Variants in PVT1 observed in about 807,000 individuals in gnomAD.
PVT1 encodes the protein CXCR4/PVT1 fusion.
chr8:127,849,289 C>G (rs1274554562), intron 2 of PVT1, among the ~76,000 whole-genome samples: 2 of 152,138 alleles, frequency 1.3e-5, no homozygotes, highest in East Asian at 1.9e-4. Context: ...TTCAGTGCCT[C>G]TAAGACAGGG....
At chr8:128,050,048 C>CTCTG (rs552091313) in intron 4 of PVT1, among the ~76,000 whole-genome samples, 220 of 152,160 alleles carry the variant, frequency 1.4e-3, no homozygotes, top group Non-Finnish European at 2.8e-3. Context: ...GAGACACGTG[C>CTCTG]TCTGGGCTCT....
chr8:128,098,915 T>G (rs1389558405), intron 6 of PVT1, among the ~76,000 whole-genome samples: 2 of 152,350 alleles, frequency 1.3e-5, no homozygotes, highest in South Asian at 2.1e-4. Context: ...TGAATTTCCA[T>G]GGGATCATTG....
At position 128,044,100 on chromosome 8, in the gene PVT1, C is replaced by T. The variant is rs78764616; in HGVS notation, n.913-26060C>T. On this transcript the variant is annotated intron_variant and non_coding_transcript_variant, in intron 4 of 10. Transcript: ENST00000651587. Reference sequence around the variant, plus strand: ...CCTGGTCTCAAGTGATCCTGCTGCCCAGGCTCCCAAAGTGTTGAGACTACA... The same window carrying T: ...CCTGGTCTCAAGTGATCCTGCTGCCTAGGCTCCCAAAGTGTTGAGACTACA... Among the ~76,000 whole-genome samples the T allele has an allele frequency of 2.6e-5, 4 of 150,960 alleles. No individual in the cohort carries two copies. In the South Asian group the frequency reaches 8.4e-4, roughly 32 times the overall value.
chr8:127,999,716 C>G (rs1195680713), intron 4 of PVT1, among the ~76,000 whole-genome samples: 3 of 152,254 alleles, frequency 2.0e-5, no homozygotes, highest in African/African-American at 4.8e-5. Flanking sequence ...CCCACTTCAG[C>G]CTCCCGAAGT....
At chr8:128,065,602 T>TG (rs1359090085) in intron 4 of PVT1, among the ~76,000 whole-genome samples, 1 of 152,012 alleles carries the variant, frequency 6.6e-6, no homozygotes, top group Non-Finnish European at 1.5e-5. Context: ...GAAAGGTTAG[T>TG]GGGGGGATCT....
chr8:127,889,085 T>TTCCC (rs1815565945), intron 2 of PVT1, among the ~76,000 whole-genome samples: 1 of 143,694 alleles, frequency 7.0e-6, no homozygotes, highest in East Asian at 2.0e-4. Context: ...CCTTCCTTCC[T>TTCCC]TCCTTCCTTC....
At chr8:127,887,294 C>G (rs1388888007) in intron 2 of PVT1, among the ~76,000 whole-genome samples, 1 of 152,200 alleles carries the variant, frequency 6.6e-6, no homozygotes. Context: ...CTAAAATTGA[C>G]CAAAAGCAGG....
chr8:127,822,448 G>A (rs778311239), intron 2 of PVT1, among the ~76,000 whole-genome samples: 16 of 152,122 alleles, frequency 1.1e-4, no homozygotes, highest in Non-Finnish European at 1.8e-4. Flanking sequence ...GTAGTGGCGA[G>A]TGCCTGTAGT....
intron 2 of PVT1, among the ~76,000 whole-genome samples, chr8:127,805,277 C>T (rs182447301): frequency 9.2e-5 from 14 of 152,094 alleles, no homozygotes; most frequent in Admixed American, 4.6e-4. Context: ...GTGACTGTTT[C>T]GTTGCTTACT....
At chr8:128,083,823 C>A (rs1342613543) in intron 5 of PVT1, among the ~76,000 whole-genome samples, 1 of 152,220 alleles carries the variant, frequency 6.6e-6, no homozygotes, top group Non-Finnish European at 1.5e-5. Flanking sequence ...TAACCTGGGT[C>A]TCTCATTTTC....
chr8:127,888,713 GC>G (rs1415423129), intron 2 of PVT1, among the ~76,000 whole-genome samples: 1 of 152,166 alleles, frequency 6.6e-6, no homozygotes, highest in Non-Finnish European at 1.5e-5. Flanking sequence ...AGAAGCCACA[GC>G]CAAGGCCTAT....
intron 5 of PVT1, among the ~76,000 whole-genome samples, chr8:128,080,511 C>T (rs1224413601): frequency 6.6e-6 from 1 of 152,164 alleles, no homozygotes; most frequent in African/African-American, 2.4e-5. Flanking sequence ...ATACCTTCTT[C>T]GATGAGATGC....
At chr8:127,933,065 C>A (rs1345372408) in intron 3 of PVT1, among the ~76,000 whole-genome samples, 1 of 152,020 alleles carries the variant, frequency 6.6e-6, no homozygotes, top group African/African-American at 2.4e-5. Context: ...TATTAGCAAA[C>A]TCAGTTTCAT....
At chr8:127,798,034 G>T (rs1936112995) in intron 2 of PVT1, among the ~76,000 whole-genome samples, 1 of 152,100 alleles carries the variant, frequency 6.6e-6, no homozygotes, top group African/African-American at 2.4e-5. Flanking sequence ...CGGGCGCGGT[G>T]GCTCACACCT....
intron 4 of PVT1, chr8:128,049,213 C>T: frequency 1.9e-6 from 1 of 531,554 alleles, no homozygotes; most frequent in South Asian, 1.4e-5. Context: ...TCAGCTGGCC[C>T]TCATTTCTTA....
Position 128,006,739 on chromosome 8 carries a change from T to A in PVT1, n.912+17448T>A, listed in dbSNP as rs182020405. ...TTTATATTGAAAAAATGCAATTTTT[T>A]AAAAATCAGTCTGGACTCTTGGATT... is the stretch of plus-strand genomic sequence containing the variant. On this transcript the variant is annotated intron_variant and non_coding_transcript_variant, in intron 4 of 10. Coordinates refer to ENST00000651587, the Ensembl canonical transcript of PVT1. 2.6e-3 allele frequency among the ~76,000 whole-genome samples: 398 copies of A among 152,340 alleles called. 1 individual carries two copies. The highest frequency in any genetic ancestry group is 9.1e-3 in the African/African-American group (378 of 41,578).
At chr8:127,930,316 C>G (rs913489706) in intron 3 of PVT1, among the ~76,000 whole-genome samples, 1 of 152,166 alleles carries the variant, frequency 6.6e-6, no homozygotes, top group African/African-American at 2.4e-5. Context: ...GCCACCAGGT[C>G]TGGCTAATTT....
At chr8:127,874,996 T>C (rs1045803446) in intron 2 of PVT1, among the ~76,000 whole-genome samples, 1 of 152,014 alleles carries the variant, frequency 6.6e-6, no homozygotes, top group Non-Finnish European at 1.5e-5. Context: ...CCTTTCACCA[T>C]GCGTGCTTCT....
intron 3 of PVT1, among the ~76,000 whole-genome samples, chr8:127,897,529 GGAAA>G (rs775003234): frequency 1.1e-4 from 14 of 127,068 alleles, no homozygotes; most frequent in South Asian, 2.4e-4. Context: ...GAAAGAAAGA[GGAAA>G]GAAAGAAAGA....
Sources: gnomAD v4.1 joint callset for allele counts (sites outside exome capture counted in the v4.1 genomes callset) on GRCh38, gnomAD v4.1.1 for gene constraint, MANE v1.5 for transcripts, NCBI Gene and HGNC (gene_info 2026-07-23, HGNC 2026-07-21) for gene names.